GTF2A2: variants seen among roughly 807,000 people sequenced by gnomAD.
GTF2A2 encodes the protein transcription initiation factor IIA subunit 2.
Under a neutral mutation model 14.3 loss-of-function variants are expected in GTF2A2, and 9 were observed. The ratio of observed to expected loss-of-function variants is 0.63; its 90% CI spans 0.38 to 1.10. GTF2A2 has a LOEUF of 1.10. Ranked by LOEUF, GTF2A2 falls within the 50% of genes least tolerant of loss-of-function variation. The pLI, the probability that GTF2A2 is intolerant of heterozygous loss-of-function variation, is 0.01. For synonymous variants in GTF2A2, 56 were observed against 46.0 expected (o/e 1.22, Z -0.88); for missense variants, 90 against 124.6 (o/e 0.72, Z 1.32).
intron 1 of GTF2A2, chr15:59,656,840 G>A (rs1363163265): frequency 1.3e-5 from 2 of 152,168 alleles, no homozygotes; most frequent in African/African-American, 4.8e-5. Flanking sequence ...CTTGTTAAGT[G>A]TTCTAATCTT....
chr15:59,647,509 C>T (rs1200805454), intron 3 of GTF2A2, among the ~76,000 whole-genome samples: 1 of 152,090 alleles, frequency 6.6e-6, no homozygotes, highest in Non-Finnish European at 1.5e-5. Context: ...ATCATTTGGC[C>T]AAATTGTATC....
intron 4 of GTF2A2, among the ~76,000 whole-genome samples, chr15:59,640,991 CAGAGACTTTCTGATATCTGGA>C (rs1891401328): frequency 6.6e-6 from 1 of 152,170 alleles, no homozygotes; most frequent in Non-Finnish European, 1.5e-5. Context: ...CTGCTAGGTT[CAGAGACTTTCTGATATCTGGA>C]AGAGACTATT....
At chr15:59,641,941 GTTA>G (rs1401221199) in intron 4 of GTF2A2, among the ~76,000 whole-genome samples, 192 bp downstream of exon 4, 3 of 152,170 alleles carry the variant, frequency 2.0e-5, no homozygotes, top group Non-Finnish European at 4.4e-5. Flanking sequence ...CAGTCTATAT[GTTA>G]TTAAGTCACA....
intron 3 of GTF2A2, among the ~76,000 whole-genome samples, chr15:59,648,147 GCCTGTAATT>G (rs1477094035): frequency 6.6e-6 from 1 of 151,912 alleles, no homozygotes; most frequent in African/African-American, 2.4e-5. Flanking sequence ...GGTACCTCAC[GCCTGTAATT>G]CCAGCACTTT....
chr15:59,652,880 A>G (rs749061848), intron 1 of GTF2A2: 2 of 152,230 alleles, frequency 1.3e-5, no homozygotes, highest in Non-Finnish European at 2.9e-5. Context: ...AAAGCATACC[A>G]TGGAGGCTGC....
At chr15:59,653,009 A>G (rs1178097750) in intron 1 of GTF2A2, 5 of 152,238 alleles carry the variant, frequency 3.3e-5, no homozygotes, top group South Asian at 2.1e-4. Flanking sequence ...CCATGGAAGG[A>G]TGAAATGTTT....
At chr15:59,640,983 G>A (rs1286014939) in intron 4 of GTF2A2, among the ~76,000 whole-genome samples, 1 of 152,128 alleles carries the variant, frequency 6.6e-6, no homozygotes, top group African/African-American at 2.4e-5. Flanking sequence ...CAATAACGCT[G>A]CTAGGTTCAG....
chr15:59,642,048 T>G (rs1891446962), intron 4 of GTF2A2, 88 bp downstream of exon 4: 2 of 1,206,220 alleles, frequency 1.7e-6, no homozygotes, highest in East Asian at 4.9e-5. Flanking sequence ...ATTTTACCCG[T>G]TAGGCTTTTC....
At position 59,638,279 on chromosome 15, in the gene GTF2A2, G is replaced by GT. The variant is rs1261557062; in HGVS notation, c.*852dup. On this transcript the variant is annotated 3_prime_UTR_variant, in exon 5 of 5. Coordinates refer to ENST00000396060, the MANE Select transcript of GTF2A2 (RefSeq NM_004492.3). Reference sequence around the variant, plus strand: ...AGGTAACAACTGCAGGAGCATCGAGGTAACAGCAAAAATCTTTTACTCCAA... The same window carrying GT: ...AGGTAACAACTGCAGGAGCATCGAGGTTAACAGCAAAAATCTTTTACTCCAA... 7.9e-5 allele frequency: 12 copies of GT among 152,036 alleles called. No individual in the cohort carries two copies. The highest frequency in any genetic ancestry group is 2.9e-4 in the African/African-American group (12 of 41,396). 9.4% of individuals were successfully genotyped at this position (152,036 alleles called of 1,614,324 possible). A position where few individuals can be genotyped will look rare whatever the true frequency, so the allele number is the denominator to read the frequency against.
intron 3 of GTF2A2, 72 bp downstream of exon 3, chr15:59,650,597 G>A: frequency 3.7e-6 from 3 of 807,286 alleles, no homozygotes; most frequent in Non-Finnish European, 6.3e-6. Flanking sequence ...TAAATATGTA[G>A]GGGTCCTAAA....
At chr15:59,639,210 T>A in intron 4 of GTF2A2, 53 bp from the exon 5 acceptor site, 1 of 1,095,146 alleles carries the variant, frequency 9.1e-7, no homozygotes, top group South Asian at 1.3e-5. Context: ...GCAATTTAAT[T>A]TTACAATTAA....
chr15:59,640,052 A>ACTGTC (rs1891352888), intron 4 of GTF2A2: 1 of 152,234 alleles, frequency 6.6e-6, no homozygotes, highest in Admixed American at 6.5e-5. Context: ...CACCTGGCCT[A>ACTGTC]CTGTCCCAAA....
intron 3 of GTF2A2, among the ~76,000 whole-genome samples, chr15:59,646,400 C>T (rs896437369): frequency 4.6e-5 from 7 of 152,096 alleles, no homozygotes; most frequent in African/African-American, 1.7e-4. Flanking sequence ...TCCCTCGCCA[C>T]CCTCCCACCC....
At chr15:59,640,898 T>C (rs139851936) in intron 4 of GTF2A2, among the ~76,000 whole-genome samples, 1 of 151,698 alleles carries the variant, frequency 6.6e-6, no homozygotes, top group Non-Finnish European at 1.5e-5. Flanking sequence ...ATGACTATAA[T>C]AAAAAGTTAA....
At chr15:59,641,660 A>C (rs1034007775) in intron 4 of GTF2A2, among the ~76,000 whole-genome samples, 1 of 152,218 alleles carries the variant, frequency 6.6e-6, no homozygotes, top group Non-Finnish European at 1.5e-5. Context: ...TCTGGTGTGA[A>C]AAGTTCACTT....
rs778241353 is a variant in GTF2A2 at position 59,639,119 on chromosome 15, A to G, written c.*13T>C. The G allele has an allele frequency of 5.0e-6, 7 of 1,395,700 alleles. No individual in the cohort carries two copies. Among genetic ancestry groups the G allele is most frequent in the East Asian group, 4.6e-5 (2 of 43,530 alleles). The allele number at this position is 1,395,700 out of a possible 1,614,324, so 86.5% of individuals were successfully genotyped here. A position where few individuals can be genotyped will look rare whatever the true frequency, so the allele number is the denominator to read the frequency against. On this transcript the variant is annotated 3_prime_UTR_variant, in exon 5 of 5. Transcript: ENST00000396060. ...TAACAGAAGATGGTGTAAAAAAGTCATATTTTTTCTATTCATTCTGTAGTA... is the reference window on the plus strand; with the variant it reads ...TAACAGAAGATGGTGTAAAAAAGTCGTATTTTTTCTATTCATTCTGTAGTA...
intron 1 of GTF2A2, among the ~76,000 whole-genome samples, chr15:59,656,346 A>G (rs1192101678): frequency 2.0e-5 from 3 of 152,054 alleles, no homozygotes; most frequent in African/African-American, 7.2e-5. Context: ...CTACTAAATG[A>G]GGCTCAAACT....
In GTF2A2 at chr15:59,642,060, T is replaced by C; in HGVS notation, c.304+76A>G. The C allele has an allele frequency of 7.5e-7, 1 of 1,340,338 alleles. No individual in the cohort carries two copies. Among genetic ancestry groups the C allele is most frequent in the Non-Finnish European group, 1.0e-6 (1 of 980,328 alleles). The allele number at this position is 1,340,338 out of a possible 1,614,324, so 83.0% of individuals were successfully genotyped here. On this transcript the variant is annotated intron_variant, in intron 4 of 4. Transcript: ENST00000396060. The stretch of plus-strand genomic sequence containing the variant: ...GCCATTTTACCCGTTAGGCTTTTCA[T>C]ATGGATGCAGATCTTCTAAAGGCTC...
intron 4 of GTF2A2, among the ~76,000 whole-genome samples, chr15:59,641,813 T>C (rs12902774): frequency 0.58 from 88,343 of 152,032 alleles, 26,387 homozygotes; most frequent in Middle Eastern, 0.67. Flanking sequence ...GTAAAAATTA[T>C]TCCTTAAAGT....
Sources: allele counts gnomAD v4.1 joint callset (sites outside exome capture counted in the v4.1 genomes callset), GRCh38; gene constraint gnomAD v4.1.1; transcripts MANE v1.5; gene names NCBI Gene and HGNC (gene_info 2026-07-23, HGNC 2026-07-21).